NEB: variants seen among roughly 807,000 people sequenced by gnomAD.
The protein encoded by NEB is nemaline myopathy type 2.
In NEB, 512 loss-of-function variants were observed where a neutral mutation model predicts 952.2. The ratio of observed to expected loss-of-function variants is 0.54; its 90% confidence interval spans 0.50 to 0.58. NEB has a LOEUF of 0.58. Among genes scored for constraint, NEB ranks in the 20% least tolerant of loss-of-function variants. The pLI is 0.00. For synonymous variants in NEB, 2,900 were observed against 3,149.8 expected (o/e 0.92, Z 2.66); for missense variants, 8,428 against 9,231.1 (o/e 0.91, Z 3.56).
rs374949827 is a variant in NEB at position 151,563,841 on chromosome 2, A to G, written c.18561T>C (p.Ala6187=). The change falls in exon 118 of 182, where the codon GCT becomes GCC. Residue 6187 remains alanine (A), a synonymous_variant. Transcript: ENST00000397345. ...TACTGACCTCACTGTTCACCAGATC[A>G]GCATGCTTGGCTCCAACAATGGGAA... ...RYIPIVGAKH[A]DLVNSELKYK... 1.6e-5 allele frequency: 26 copies of G among 1,613,474 alleles called. No homozygotes were observed. The highest frequency in any genetic ancestry group is 2.1e-5 in the Non-Finnish European group (25 of 1,179,648).
Position 151,672,575 on chromosome 2 carries a change from G to A in NEB, c.4093C>T (p.Gln1365Ter). Residue 1365 changes from glutamine to a stop codon, truncating the protein, a stop_gained, in exon 37 of 182, where the codon CAG becomes TAG. Coordinates refer to ENST00000397345, the MANE Select transcript of NEB (RefSeq NM_001164508.2). LOFTEE classifies it high-confidence loss of function. ...LVHYMNVAKLQSDREYKKNYE... is the reference protein window; with the variant it reads ...LVHYMNVAKL ...TTCTTCTTGTATTCACGATCAGACT[G>A]CAGCTTTGCCACATTCATATAGTGG... is the stretch of plus-strand genomic sequence containing the variant. 1 of 1,614,012 alleles carries A rather than the reference G, an allele frequency of 6.2e-7. No individual in the cohort carries two copies. Among genetic ancestry groups the A allele is most frequent in the Non-Finnish European group, 8.5e-7 (1 of 1,179,888 alleles).
At chr2:151,487,231 TAA>T (rs1365036069) in intron 181 of NEB, among the ~76,000 whole-genome samples, 10 of 152,210 alleles carry the variant, frequency 6.6e-5, no homozygotes. Context: ...ATACGAGTAG[TAA>T]AAGTTTCTCA....
chr2:151,677,813 G>A (rs1244905551), intron 33 of NEB, 42 bp from the exon 34 acceptor site: 2 of 1,611,226 alleles, frequency 1.2e-6, no homozygotes, highest in Admixed American at 1.7e-5. Flanking sequence ...CTAGGACAGG[G>A]TTCTTTTCAT....
chr2:151,730,469 G>A (rs1052108401), intron 3 of NEB, among the ~76,000 whole-genome samples: 1 of 151,988 alleles, frequency 6.6e-6, no homozygotes. Flanking sequence ...AAAGGAACTG[G>A]TTGACACTTG....
At chr2:151,493,911 A>T (rs1032919381) in intron 174 of NEB, 44 bp from the exon 175 acceptor site, 12 of 1,282,158 alleles carry the variant, frequency 9.4e-6, no homozygotes, top group Middle Eastern at 1.9e-4. Context: ...ACGAGGTAAT[A>T]ATCACTATTA....
intron 124 of NEB, among the ~76,000 whole-genome samples, chr2:151,555,852 T>C (rs1412943627): frequency 7.2e-6 from 1 of 138,272 alleles, no homozygotes; most frequent in African/African-American, 2.7e-5. Context: ...TCAAAGATGA[T>C]GGCATTTAAA....
chr2:151,632,863 T>C (rs2098697363), intron 65 of NEB, among the ~76,000 whole-genome samples: 1 of 152,106 alleles, frequency 6.6e-6, no homozygotes, highest in Non-Finnish European at 1.5e-5. Flanking sequence ...ATGGGTGACA[T>C]CAACCCTTTT....
intron 180 of NEB, 74 bp from the exon 181 acceptor site, chr2:151,490,151 A>C: frequency 7.9e-7 from 1 of 1,262,954 alleles, no homozygotes; most frequent in Non-Finnish European, 1.1e-6. Flanking sequence ...TTAGCAGCTG[A>C]GTGATGTCTT....
At chr2:151,679,857 C>G (rs373225058) in intron 31 of NEB, 29 bp from the exon 32 acceptor site, 3 of 1,609,940 alleles carry the variant, frequency 1.9e-6, no homozygotes, top group South Asian at 2.2e-5. Flanking sequence ...TTAAGTACAA[C>G]TTAGAGACTG....
Position 151,653,997 on chromosome 2 carries a change from T to C in NEB, c.6910A>G (p.Ser2304Gly). ...QLAKASRDIA[S>G]DYKYKQGYRK... ...GAACTCAAACTAGTACTCACATCAC[T>C]AGCAATGTCTCTTGAAGCTTTAGCT... The change falls in exon 52 of 182, where the codon AGT becomes GGT. Residue 2304 changes from serine (S) to glycine (G), a missense_variant. Ser to Gly is a moderately conservative substitution (Grantham distance 56). Around this residue, in one of 11 missense-constraint regions of NEB, gnomAD observed 2,851 missense variants for 2,791.5 expected, o/e 1.02. Transcript: ENST00000397345. The C allele has an allele frequency of 1.2e-6, 2 of 1,608,532 alleles. No individual in the cohort carries two copies. The highest frequency in any genetic ancestry group is 1.7e-6 in the Non-Finnish European group (2 of 1,175,358).
intron 34 of NEB, among the ~76,000 whole-genome samples, chr2:151,676,736 C>T (rs954313116): frequency 1.3e-5 from 2 of 152,188 alleles, no homozygotes; most frequent in African/African-American, 4.8e-5. Flanking sequence ...AGGCACCTCC[C>T]TTGTATTTAA....
rs746334983 is a variant in NEB at position 151,553,980 on chromosome 2, T to C, written c.19474A>G (p.Ile6492Val). 1.2e-6 allele frequency: 2 copies of C among 1,613,754 alleles called. No individual in the cohort carries two copies. The highest frequency in any genetic ancestry group is 2.2e-5 in the East Asian group (1 of 44,882). ...ACCATCTCTACCATGTCGGGCACGA[T>C]GTGGATTTTCATCTTGTTCTTTTCA... ...VYEKNKMKIH[I>V]VPDMVEMVTA... The change falls in exon 126 of 182, where the codon ATC (isoleucine) becomes GTC (valine). Residue 6492 changes from isoleucine (I) to valine (V), a missense_variant. Coordinates refer to ENST00000397345, the MANE Select transcript of NEB (RefSeq NM_001164508.2).
At chr2:151,548,148 C>T (rs1212564789) in intron 131 of NEB, among the ~76,000 whole-genome samples, 160 bp downstream of exon 131, 2 of 152,138 alleles carry the variant, frequency 1.3e-5, no homozygotes, top group East Asian at 3.8e-4. Flanking sequence ...AAAACCACTA[C>T]CAAGAAATAT....
In NEB at chr2:151,629,598, A is replaced by G. The variant is rs2098615339; in HGVS notation, c.9772T>C (p.Leu3258=). The G allele has an allele frequency of 6.2e-7, 1 of 1,613,744 alleles. No individual in the cohort carries two copies. The highest frequency in any genetic ancestry group is 1.3e-5 in the African/African-American group (1 of 74,928). The part of the protein sequence containing the change: ...NEEAKKKGYD[L]RSDAIPIVAA... ...ACGATGGGGATGGCGTCACTTCGCA[A>G]GTCGTAGCCTTTCTTTTTTGCTTCT... is the stretch of plus-strand genomic sequence containing the variant. Residue 3258 remains leucine (L), a synonymous_variant, in exon 68 of 182, where the codon TTG becomes CTG. Coordinates refer to ENST00000397345, the MANE Select transcript of NEB (RefSeq NM_001164508.2).
chr2:151,654,144 G>A, intron 51 of NEB, 45 bp from the exon 52 acceptor site: 2 of 1,236,148 alleles, frequency 1.6e-6, no homozygotes, highest in South Asian at 1.6e-5. Flanking sequence ...TCTATATAAA[G>A]AATATCAATA....
chr2:151,528,804 G>A (rs758403475), intron 146 of NEB, among the ~76,000 whole-genome samples: 1 of 152,226 alleles, frequency 6.6e-6, no homozygotes, highest in Non-Finnish European at 1.5e-5. Context: ...AATGCCTGAT[G>A]GCACCAAATG....
chr2:151,601,319 G>C, intron 88 of NEB, among the ~76,000 whole-genome samples: 1 of 142,180 alleles, frequency 7.0e-6, no homozygotes. Context: ...GTGTTGGCCA[G>C]GCTGGTCTCG....
At chr2:151,568,042 C>G (rs1485220114) in intron 113 of NEB, 29 bp downstream of exon 113, 1 of 1,576,526 alleles carries the variant, frequency 6.3e-7, no homozygotes, top group African/African-American at 1.3e-5. Context: ...CCCACTTTTG[C>G]AAAATGCACT....
In NEB at chr2:151,640,587, A is replaced by T; in HGVS notation, c.8453T>A (p.Met2818Lys). Reference sequence around the variant, plus strand: ...GATCTTGGCCACGTGCATGGACCACATCATCTTGGGGTCATCACGTATAGC... The same window carrying T: ...GATCTTGGCCACGTGCATGGACCACTTCATCTTGGGGTCATCACGTATAGC... ...ARAIRDDPKM[M>K]WSMHVAKIQS... is the part of the protein sequence containing the mutation. The change falls in exon 61 of 182, where the codon ATG becomes AAG. Residue 2818 changes from methionine (M) to lysine (K), a missense_variant. Met to Lys is a moderately conservative substitution (Grantham distance 95). Coordinates refer to ENST00000397345, the MANE Select transcript of NEB (RefSeq NM_001164508.2). 6.2e-7 allele frequency: 1 copy of T among 1,613,886 alleles called. No individual in the cohort carries two copies. The highest frequency in any genetic ancestry group is 1.1e-5 in the South Asian group (1 of 91,080).
Sources: allele counts gnomAD v4.1 joint callset (sites outside exome capture counted in the v4.1 genomes callset), GRCh38; gene constraint gnomAD v4.1.1; regional missense constraint gnomAD v4.1.1; transcripts MANE v1.5; gene names NCBI Gene and HGNC (gene_info 2026-07-23, HGNC 2026-07-21).